Variants in TNR observed in about 807,000 individuals in gnomAD.
The protein encoded by TNR is tenascin R.
A neutral mutation model predicts 150.4 loss-of-function variants in TNR; 45 were observed. The ratio of observed to expected loss-of-function variants is 0.30; its 90% CI spans 0.24 to 0.38. The LOEUF (loss-of-function observed/expected upper bound fraction) is 0.38, where lower values mean the gene tolerates loss of function less well. TNR is among the 10% of genes least tolerant of loss of function. The pLI is 1.00. For missense variants in TNR, 1,544 were observed against 1,759.1 expected (o/e 0.88, Z 2.19); for synonymous variants, 687 against 678.4 (o/e 1.01, Z -0.20).
intron 1 of TNR, among the ~76,000 whole-genome samples, chr1:175,551,144 C>T (rs1369357797): frequency 6.6e-6 from 1 of 152,042 alleles, no homozygotes; most frequent in African/African-American, 2.4e-5. Context: ...TTAGAAACTT[C>T]CAGAGAAAAA....
At chr1:175,366,174 T>C in intron 10 of TNR, 36 bp from the exon 11 acceptor site, 2 of 1,552,556 alleles carry the variant, frequency 1.3e-6, no homozygotes, top group African/African-American at 1.4e-5. Flanking sequence ...TTTACATGTG[T>C]TCCCCTGGAG....
intron 2 of TNR, among the ~76,000 whole-genome samples, chr1:175,424,896 A>T (rs187999349): frequency 6.6e-6 from 1 of 152,072 alleles, no homozygotes; most frequent in Admixed American, 6.5e-5. Flanking sequence ...CTTGGAAACT[A>T]AGCAAAAAAT....
chr1:175,453,911 T>G (rs1376325797), intron 2 of TNR, among the ~76,000 whole-genome samples: 1 of 152,112 alleles, frequency 6.6e-6, no homozygotes, highest in Non-Finnish European at 1.5e-5. Flanking sequence ...ACATTTTCAT[T>G]TTAGCCATAT....
chr1:175,600,973 C>T lies in TNR; in HGVS notation c.-164-72604G>A, dbSNP rs181354548. ...CTGACAGTTCCTCATTCTCTTTCCTCTAGCTTTTGCAGCATTTGTTTAGAT... is the reference window on the plus strand; with the variant it reads ...CTGACAGTTCCTCATTCTCTTTCCTTTAGCTTTTGCAGCATTTGTTTAGAT... On this transcript the variant is annotated intron_variant, in intron 1 of 22. Coordinates refer to ENST00000367674, the MANE Select transcript of TNR (RefSeq NM_003285.3). Among the ~76,000 whole-genome samples, 164 of 152,366 alleles carry T rather than the reference C, an allele frequency of 1.1e-3. 1 individual carries two copies. Among genetic ancestry groups the T allele is most frequent in the African/African-American group, 3.6e-3 (151 of 41,582 alleles).
intron 1 of TNR, among the ~76,000 whole-genome samples, chr1:175,530,399 T>C (rs1660017510): frequency 6.6e-6 from 1 of 152,202 alleles, no homozygotes; most frequent in East Asian, 1.9e-4. Flanking sequence ...GCAGCTCTTT[T>C]TGGCTGGTGG....
chr1:175,625,833 C>T (rs1391191175), intron 1 of TNR, among the ~76,000 whole-genome samples: 3 of 152,280 alleles, frequency 2.0e-5, no homozygotes, highest in Non-Finnish European at 4.4e-5. Flanking sequence ...GCCATCTGCA[C>T]ATCTCCCCAC....
intron 1 of TNR, among the ~76,000 whole-genome samples, chr1:175,568,891 T>C (rs983451496): frequency 1.3e-5 from 2 of 152,216 alleles, no homozygotes; most frequent in Admixed American, 6.5e-5. Context: ...CTTGCCTTCA[T>C]TTTGATGCCA....
intron 18 of TNR, among the ~76,000 whole-genome samples, chr1:175,340,178 A>G (rs950783271): frequency 6.6e-6 from 1 of 151,970 alleles, no homozygotes; most frequent in Admixed American, 6.6e-5. Flanking sequence ...AGGAAGGACC[A>G]TGCTTTCTTC....
In TNR at chr1:175,406,597, C is replaced by T. The variant is rs1332420567; in HGVS notation, c.118G>A (p.Val40Ile). ...ECQLEVTTER[V>I]QRQSVEEEGG... ...TCCTCCTCCACTGACTGTCTCTGGA[C>T]CCTTTCTGTGGTGACCTCCAGCTGA... Residue 40 changes from valine (V) to isoleucine (I), a missense_variant, in exon 3 of 23, where the codon GTC (valine) becomes ATC (isoleucine). Coordinates refer to ENST00000367674, the MANE Select transcript of TNR (RefSeq NM_003285.3). The T allele has an allele frequency of 1.9e-6, 3 of 1,614,074 alleles. No homozygotes were observed. Among genetic ancestry groups the T allele is most frequent in the Non-Finnish European group, 2.5e-6 (3 of 1,180,040 alleles).
At chr1:175,331,130 CTTT>C (rs60749489) in intron 20 of TNR, among the ~76,000 whole-genome samples, 8 of 117,064 alleles carry the variant, frequency 6.8e-5, no homozygotes, top group Non-Finnish European at 1.3e-4. Context: ...TTCTTTCTTT[CTTT>C]TCTTTCTTTC....
intron 1 of TNR, among the ~76,000 whole-genome samples, chr1:175,732,113 C>A (rs1012435173): frequency 6.6e-6 from 1 of 152,184 alleles, no homozygotes; most frequent in Non-Finnish European, 1.5e-5. Context: ...CTCTGGCTAC[C>A]ATTAGGGTTC....
At chr1:175,451,216 TAATG>T (rs763674815) in intron 2 of TNR, among the ~76,000 whole-genome samples, 3,863 of 141,976 alleles carry the variant, frequency 0.027, 116 homozygotes, top group African/African-American at 0.069. Context: ...TTTTTTTTTT[TAATG>T]TTTTTATTTT....
chr1:175,700,222 C>A (rs543382399), intron 1 of TNR, among the ~76,000 whole-genome samples: 8 of 152,088 alleles, frequency 5.3e-5, no homozygotes, highest in African/African-American at 1.9e-4. Context: ...CCAGGAACAG[C>A]CCTCTCTTGG....
intron 2 of TNR, among the ~76,000 whole-genome samples, chr1:175,419,318 C>A (rs144892009): frequency 6.6e-6 from 1 of 152,022 alleles, no homozygotes; most frequent in Admixed American, 6.6e-5. Context: ...AAGAATTGAC[C>A]ATTTAGCTAC....
At chr1:175,546,615 C>CGT (rs994916802) in intron 1 of TNR, among the ~76,000 whole-genome samples, 1 of 152,140 alleles carries the variant, frequency 6.6e-6, no homozygotes, top group African/African-American at 2.4e-5. Flanking sequence ...CCAAGAGTGG[C>CGT]GTGCCTTTCA....
chr1:175,609,864 T>A (rs1010224352), intron 1 of TNR, among the ~76,000 whole-genome samples: 3 of 152,198 alleles, frequency 2.0e-5, no homozygotes, highest in African/African-American at 4.8e-5. Context: ...GAAATTTAGA[T>A]GATCTTATAA....
Position 175,406,475 on chromosome 1 carries a change from GGAGCAGAGGTTGTCCA to G in TNR, c.224_239del (p.Leu75SerfsTer4). The G allele has an allele frequency of 6.2e-7, 1 of 1,614,190 alleles. No individual in the cohort carries two copies. The highest frequency in any genetic ancestry group is 8.5e-7 in the Non-Finnish European group (1 of 1,180,036). On this transcript the variant is annotated frameshift_variant, in exon 3 of 23. Transcript: ENST00000367674. LOFTEE classifies it high-confidence loss of function. ...GCTCAGCAGAGGCCTCTAGCCCTGA[GGAGCAGAGGTTGTCCA>G]AGGGCACGTTAATGTTGTACACGTG...
chr1:175,482,800 A>G (rs1483270881), intron 2 of TNR, among the ~76,000 whole-genome samples: 2 of 152,226 alleles, frequency 1.3e-5, no homozygotes, highest in African/African-American at 4.8e-5. Context: ...AAGTTTCTAT[A>G]AAATGTGAGG....
At chr1:175,700,329 G>A (rs192680324) in intron 1 of TNR, among the ~76,000 whole-genome samples, 1 of 152,292 alleles carries the variant, frequency 6.6e-6, no homozygotes, top group Admixed American at 6.5e-5. Context: ...CCCATAATTA[G>A]AGTGATATGA....
Sources: gnomAD v4.1 joint callset for allele counts (sites outside exome capture counted in the v4.1 genomes callset) on GRCh38, gnomAD v4.1.1 for gene constraint, MANE v1.5 for transcripts, NCBI Gene and HGNC (gene_info 2026-07-23, HGNC 2026-07-21) for gene names.